MYO3A: variants seen among roughly 807,000 people sequenced by gnomAD.
MYO3A encodes the protein myosin-IIIa.
MYO3A carries 180 observed loss-of-function variants against 192.7 expected under a neutral mutation model. The ratio of observed to expected loss-of-function variants is 0.93; its 90% CI spans 0.83 to 1.06. The LOEUF (loss-of-function observed/expected upper bound fraction) is 1.06, where lower values mean the gene tolerates loss of function less well. Ranked by LOEUF, MYO3A falls within the 50% of genes least tolerant of loss-of-function variation. The pLI is 0.00. For synonymous variants in MYO3A, 628 were observed against 645.3 expected, an observed-to-expected ratio of 0.97 and a Z score of 0.41; for missense variants, 1,896 against 1,905.0, an observed-to-expected ratio of 1.00 and a Z score of 0.09.
intron 32 of MYO3A, among the ~76,000 whole-genome samples, chr10:26,193,943 C>T (rs1281946664): frequency 1.3e-5 from 2 of 152,160 alleles, no homozygotes; most frequent in African/African-American, 4.8e-5. Flanking sequence ...GCCTGGCCTT[C>T]TTCTCATGTT....
chr10:26,186,323 T>A (rs546564462), intron 31 of MYO3A, among the ~76,000 whole-genome samples: 1 of 150,198 alleles, frequency 6.7e-6, no homozygotes, highest in East Asian at 2.0e-4. Flanking sequence ...CTGGAGTGCA[T>A]TGACGTGATC....
chr10:26,009,435 A>C (rs1224016541), intron 6 of MYO3A, among the ~76,000 whole-genome samples: 1 of 152,322 alleles, frequency 6.6e-6, no homozygotes, highest in East Asian at 1.9e-4. Flanking sequence ...GCAGTCTCAC[A>C]AATGAGAGAG....
rs1842355993 is a variant in MYO3A, at chr10:26,176,743, T to A, written c.4336T>A (p.Leu1446Met). ...AGAATATTTCATTCTGCAGAAAAAA[T>A]TGAATGAAATGATTTTGTCACAGCA... ...SEEYFILQKKLNEMILSQQLK... is the reference protein window; with the variant it reads ...SEEYFILQKKMNEMILSQQLK... Residue 1446 changes from leucine to methionine, a missense_variant, in exon 31 of 35, where the codon TTG becomes ATG. By Grantham distance (15) the Leu-to-Met change is conservative (BLOSUM62 2). Coordinates refer to ENST00000642920, the MANE Select transcript of MYO3A (RefSeq NM_017433.5). 3 of 1,611,266 alleles carry A rather than the reference T, an allele frequency of 1.9e-6. No homozygotes were observed. Among genetic ancestry groups the A allele is most frequent in the East Asian group, 2.2e-5 (1 of 44,870 alleles).
intron 10 of MYO3A, among the ~76,000 whole-genome samples, chr10:26,054,243 T>C (rs1844186278): frequency 6.6e-6 from 1 of 152,180 alleles, no homozygotes. Flanking sequence ...TCGGAAACAA[T>C]GGTGGCTTAA....
chr10:26,100,330 A>G (rs1233480238), intron 17 of MYO3A, among the ~76,000 whole-genome samples: 1 of 151,972 alleles, frequency 6.6e-6, no homozygotes. Context: ...CGGTCTATCA[A>G]TTTTGTTAAT....
At chr10:26,053,993 T>G (rs1405998595) in intron 10 of MYO3A, among the ~76,000 whole-genome samples, 2 of 152,068 alleles carry the variant, frequency 1.3e-5, no homozygotes, top group Non-Finnish European at 2.9e-5. Context: ...AGAGTCAGCC[T>G]TTGAGGCAGG....
At chr10:26,004,190 A>G (rs185276099) in intron 6 of MYO3A, among the ~76,000 whole-genome samples, 23 of 152,250 alleles carry the variant, frequency 1.5e-4, no homozygotes, top group African/African-American at 5.3e-4. Context: ...AAGCACATCC[A>G]TGTAGGGTGA....
At position 26,009,947 on chromosome 10, in the gene MYO3A, A is replaced by G. The variant is rs1055194285; in HGVS notation, c.509-6873A>G. Among the ~76,000 whole-genome samples the G allele has an allele frequency of 2.0e-5, 3 of 152,170 alleles. No individual in the cohort carries two copies. In the South Asian group the frequency reaches 6.2e-4, roughly 32 times the overall value. ...AAAATAAGACAAGGTATCAGTGATG[A>G]TAGTGTACCATGAATGAGAAGTATG... On this transcript the variant is annotated intron_variant, in intron 6 of 34. Coordinates refer to ENST00000642920, the MANE Select transcript of MYO3A (RefSeq NM_017433.5).
At chr10:25,937,281 A>C (rs872754) in intron 2 of MYO3A, among the ~76,000 whole-genome samples, 12,362 of 152,088 alleles carry the variant, frequency 0.081, 649 homozygotes, top group African/African-American at 0.14. Flanking sequence ...CTCTGCCTTT[A>C]TTTCATCAAG....
intron 4 of MYO3A, among the ~76,000 whole-genome samples, chr10:25,975,700 A>G (rs1051413393): frequency 9.2e-5 from 14 of 152,374 alleles, no homozygotes; most frequent in African/African-American, 3.1e-4. Context: ...CTAGCAATAT[A>G]TAAAAATATT....
chr10:26,118,520 A>G (rs1259607317), intron 17 of MYO3A, among the ~76,000 whole-genome samples: 1 of 151,954 alleles, frequency 6.6e-6, no homozygotes, highest in Non-Finnish European at 1.5e-5. Flanking sequence ...GCCCCAGTCC[A>G]CTCAGTTTCA....
chr10:26,081,133 T>TCCCGCCCC (rs1835904506), intron 14 of MYO3A, among the ~76,000 whole-genome samples: 1 of 84,940 alleles, frequency 1.2e-5, no homozygotes, highest in African/African-American at 4.2e-5. Flanking sequence ...TATATGCCCT[T>TCCCGCCCC]CCCCCCCCCC....
chr10:26,035,000 CATCTT>C (rs1842963282), intron 10 of MYO3A, among the ~76,000 whole-genome samples: 1 of 151,484 alleles, frequency 6.6e-6, no homozygotes, highest in Non-Finnish European at 1.5e-5. Context: ...AGAAAATTCC[CATCTT>C]ATCTTGGCTA....
At position 26,068,896 on chromosome 10, in the gene MYO3A, G is replaced by C; in HGVS notation, c.1170+12G>C. Reference sequence around the variant, plus strand: ...TTTACTCCACAAAGGTATGTCGTATGGGGTGCATTCTGTTACTTCATACAC... The same window carrying C: ...TTTACTCCACAAAGGTATGTCGTATCGGGTGCATTCTGTTACTTCATACAC... On this transcript the variant is annotated intron_variant, in intron 12 of 34. Coordinates refer to ENST00000642920, the MANE Select transcript of MYO3A (RefSeq NM_017433.5). 1.4e-6 allele frequency: 2 copies of C among 1,477,244 alleles called. No individual in the cohort carries two copies. Among genetic ancestry groups the C allele is most frequent in the Non-Finnish European group, 9.5e-7 (1 of 1,056,142 alleles). The allele number at this position is 1,477,244 out of a possible 1,614,324, so 91.5% of individuals were successfully genotyped here.
chr10:25,994,499 T>C (rs1840288823), intron 4 of MYO3A, among the ~76,000 whole-genome samples: 2 of 152,308 alleles, frequency 1.3e-5, no homozygotes, highest in Non-Finnish European at 2.9e-5. Context: ...AATTGGAGCA[T>C]TTAGTCCATT....
chr10:26,030,795 A>G lies in MYO3A; in HGVS notation c.953+4263A>G, dbSNP rs546351338. Among the ~76,000 whole-genome samples the G allele has an allele frequency of 3.3e-5, 5 of 152,354 alleles. No homozygotes were observed. The South Asian group carries it at 1.0e-3, about 32-fold the overall frequency. ...AATGGTCCTAATATAAATTGAATAC[A>G]AACTGAATATAAACTTCCTTGTTGA... On this transcript the variant is annotated intron_variant, in intron 10 of 34. Transcript: ENST00000642920.
chr10:26,088,161 AT>A (rs1256713083), intron 14 of MYO3A, 41 bp from the exon 15 acceptor site: 1 of 1,450,282 alleles, frequency 6.9e-7, no homozygotes, highest in Non-Finnish European at 9.4e-7. Flanking sequence ...TACCAAATTA[AT>A]TTTTTATGTT....
At chr10:26,190,947 T>G (rs1035970070) in intron 31 of MYO3A, among the ~76,000 whole-genome samples, 2 of 152,220 alleles carry the variant, frequency 1.3e-5, no homozygotes, top group Non-Finnish European at 2.9e-5. Context: ...TTTTTCACTC[T>G]CTTGGCAATT....
intron 10 of MYO3A, among the ~76,000 whole-genome samples, chr10:26,059,565 G>A (rs1834332061): frequency 1.3e-5 from 2 of 152,212 alleles, no homozygotes; most frequent in African/African-American, 2.4e-5. Flanking sequence ...TCTACTTAAA[G>A]ACCAAGATTA....
Sources: gnomAD v4.1 joint callset for allele counts (sites outside exome capture counted in the v4.1 genomes callset) on GRCh38, gnomAD v4.1.1 for gene constraint, MANE v1.5 for transcripts, NCBI Gene and HGNC (gene_info 2026-07-23, HGNC 2026-07-21) for gene names.